EYA1: variants seen among roughly 807,000 people sequenced by gnomAD.
EYA1 encodes protein phosphatase EYA1.
Under a neutral mutation model 82.0 loss-of-function variants are expected in EYA1, and 16 were observed. That is an observed-to-expected ratio of 0.20 (90% CI 0.13 to 0.30). EYA1 has a LOEUF of 0.30. Ranked by LOEUF, EYA1 falls within the 10% of genes least tolerant of loss-of-function variation. The pLI, the probability that EYA1 is intolerant of heterozygous loss-of-function variation, is 1.00. For synonymous variants in EYA1, 261 were observed against 264.4 expected (o/e 0.99, Z 0.12); for missense variants, 633 against 730.7 (o/e 0.87, Z 1.54).
intron 2 of EYA1, among the ~76,000 whole-genome samples, chr8:71,487,782 T>C (rs1182854483): frequency 1.3e-5 from 2 of 152,092 alleles, no homozygotes; most frequent in Admixed American, 6.5e-5. Flanking sequence ...GACTACACGA[T>C]CACCAGAATA....
chr8:71,397,285 T>C (rs1159632069), intron 2 of EYA1, among the ~76,000 whole-genome samples: 1 of 152,246 alleles, frequency 6.6e-6, no homozygotes, highest in Admixed American at 6.5e-5. Flanking sequence ...TTAGCCTATT[T>C]ACATTTAAGG....
chr8:71,367,550 C>T (rs1217975158), intron 2 of EYA1, among the ~76,000 whole-genome samples: 4 of 84,342 alleles, frequency 4.7e-5, no homozygotes, highest in Admixed American at 1.2e-4. Context: ...TCTCCCAAAT[C>T]GGAAAAAAAA....
chr8:71,419,258 A>C (rs1831017592), intron 2 of EYA1, among the ~76,000 whole-genome samples: 1 of 152,238 alleles, frequency 6.6e-6, no homozygotes, highest in Non-Finnish European at 1.5e-5. Context: ...ACAACAGTCC[A>C]TCATATCATC....
Position 71,361,793 on chromosome 8 carries a change from G to C in EYA1, c.-201C>G. On this transcript the variant is annotated 5_prime_UTR_variant, in exon 1 of 18. Transcript: ENST00000340726. ...TCTGGTGCAGCCGCGGCGCTTCTGG[G>C]AGTGGAGCGCCTCTGCAGGGGAAAG... 1 of 985,488 alleles carries C rather than the reference G, an allele frequency of 1.0e-6. No individual in the cohort carries two copies. The highest frequency in any genetic ancestry group is 1.2e-6 in the Non-Finnish European group (1 of 829,964). 61.0% of individuals were successfully genotyped at this position (985,488 alleles called of 1,614,324 possible).
chr8:71,268,151 T>G (rs1484989102), intron 11 of EYA1, among the ~76,000 whole-genome samples: 1 of 152,078 alleles, frequency 6.6e-6, no homozygotes, highest in Non-Finnish European at 1.5e-5. Flanking sequence ...TCTCTTTCAT[T>G]GGCTAATAGA....
chr8:71,546,726 A>C (rs942436518), intron 1 of EYA1, among the ~76,000 whole-genome samples: 5 of 151,702 alleles, frequency 3.3e-5, no homozygotes, highest in African/African-American at 4.8e-5. Flanking sequence ...CTGGTCTCAA[A>C]CTCCTGACCT....
At chr8:71,345,290 T>G (rs1407796233) in intron 3 of EYA1, among the ~76,000 whole-genome samples, 1 of 152,164 alleles carries the variant, frequency 6.6e-6, no homozygotes, top group Non-Finnish European at 1.5e-5. Context: ...CAGTGGACAT[T>G]GAGCATTTTC....
chr8:71,459,965 C>A lies in EYA1; in HGVS notation c.33+75779G>T, dbSNP rs977959473. Among the ~76,000 whole-genome samples, 6 of 152,268 alleles carry A rather than the reference C, an allele frequency of 3.9e-5. No individual in the cohort carries two copies. In the East Asian group the frequency reaches 5.8e-4, roughly 15 times the overall value. On this transcript the variant is annotated intron_variant, in intron 2 of 18. Coordinates refer to the EYA1 transcript ENST00000643681. ...GAAAAATATCTCTCCTAAGAATTTT[C>A]AAAATTGATTTAAGTAATTTTCATC...
At chr8:71,283,432 G>A (rs949817510) in intron 9 of EYA1, among the ~76,000 whole-genome samples, 4 of 152,104 alleles carry the variant, frequency 2.6e-5, no homozygotes, top group Non-Finnish European at 4.4e-5. Context: ...GCCTCCAATA[G>A]AATGTAAGTT....
At position 71,356,470 on chromosome 8, in the gene EYA1, TGAG is replaced by T; in HGVS notation, c.-16_-14del. ...ATCAACAATATCCTTACCTGCAACT[TGAG>T]GAAACAGCAACATCTGAACTGGCTT... On this transcript the variant is annotated 5_prime_UTR_variant, in exon 2 of 18. Transcript: ENST00000340726. 6.3e-7 allele frequency: 1 copy of T among 1,585,238 alleles called. No individual in the cohort carries two copies. Among genetic ancestry groups the T allele is most frequent in the Non-Finnish European group, 8.6e-7 (1 of 1,164,674 alleles).
At chr8:71,493,558 CT>C (rs1392655671) in intron 2 of EYA1, among the ~76,000 whole-genome samples, 2 of 152,162 alleles carry the variant, frequency 1.3e-5, no homozygotes, top group Non-Finnish European at 2.9e-5. Context: ...GTCATAGGAA[CT>C]TTCTGAAAGT....
intron 2 of EYA1, among the ~76,000 whole-genome samples, chr8:71,419,636 A>G (rs1831036102): frequency 6.6e-6 from 1 of 152,106 alleles, no homozygotes; most frequent in Non-Finnish European, 1.5e-5. Flanking sequence ...GGTTCATTAC[A>G]CTATTCTTTC....
chr8:71,348,962 A>G (rs1207550258), intron 3 of EYA1, among the ~76,000 whole-genome samples: 1 of 152,250 alleles, frequency 6.6e-6, no homozygotes, highest in Non-Finnish European at 1.5e-5. Context: ...AACTGCAACC[A>G]GTTTTTAAAT....
intron 2 of EYA1, among the ~76,000 whole-genome samples, chr8:71,494,953 TACAA>T (rs1811306379): frequency 6.6e-6 from 1 of 152,062 alleles, no homozygotes. Flanking sequence ...ATATAGTATT[TACAA>T]ACATAGCAAT....
At chr8:71,402,415 T>C (rs1830006880) in intron 2 of EYA1, among the ~76,000 whole-genome samples, 1 of 152,140 alleles carries the variant, frequency 6.6e-6, no homozygotes, top group South Asian at 2.1e-4. Context: ...ATGAAAGGTA[T>C]GGGGCTTTGT....
chr8:71,495,316 G>A (rs762932160), intron 2 of EYA1, among the ~76,000 whole-genome samples: 19 of 152,162 alleles, frequency 1.2e-4, no homozygotes, highest in Non-Finnish European at 2.6e-4. Flanking sequence ...TCATTTAGGA[G>A]TTCAGTAAAA....
chr8:71,481,800 G>A (rs1476798417), intron 2 of EYA1, among the ~76,000 whole-genome samples: 1 of 152,134 alleles, frequency 6.6e-6, no homozygotes, highest in Non-Finnish European at 1.5e-5. Context: ...ATCACAGCAG[G>A]AATTTAACTT....
chr8:71,212,015 T>C (rs1355427620), intron 16 of EYA1, among the ~76,000 whole-genome samples: 1 of 152,200 alleles, frequency 6.6e-6, no homozygotes, highest in Non-Finnish European at 1.5e-5. Flanking sequence ...TGGGCTCCTG[T>C]GGTGGCTACA....
chr8:71,475,637 C>T (rs537828055), intron 2 of EYA1, among the ~76,000 whole-genome samples: 163 of 152,272 alleles, frequency 1.1e-3, no homozygotes, highest in Non-Finnish European at 1.6e-3. Context: ...CTGAAACACA[C>T]GATAGACCAA....
Sources: gnomAD v4.1 joint callset for allele counts (sites outside exome capture counted in the v4.1 genomes callset) on GRCh38, gnomAD v4.1.1 for gene constraint, MANE v1.5 for transcripts, NCBI Gene and HGNC (gene_info 2026-07-23, HGNC 2026-07-21) for gene names.